Variants in GAS6 observed in about 807,000 individuals in gnomAD.
GAS6 encodes the protein growth arrest-specific protein 6.
A neutral mutation model predicts 75.8 loss-of-function variants in GAS6; 41 were observed. That is an observed-to-expected ratio of 0.54 (90% confidence interval 0.42 to 0.70). The LOEUF (loss-of-function observed/expected upper bound fraction) is 0.70. GAS6 is among the 30% of genes least tolerant of loss of function. GAS6 has a pLI of 0.00. For synonymous variants in GAS6, 432 were observed against 412.6 expected (o/e 1.05, Z -0.57); for missense variants, 854 against 940.2 (o/e 0.91, Z 1.20).
intron 2 of GAS6, among the ~76,000 whole-genome samples, chr13:113,853,606 T>A (rs1055445728): frequency 1.3e-5 from 2 of 152,250 alleles, no homozygotes; most frequent in African/African-American, 4.8e-5. Context: ...GGGTGGAGAC[T>A]GCTGAGCACA....
At position 113,848,542 on chromosome 13, in the gene GAS6, G is replaced by A. The variant is rs371239984; in HGVS notation, c.256-492C>T. On this transcript the variant is annotated intron_variant, in intron 2 of 14. Transcript: ENST00000327773. This position sits in a 1 kb window ranked among gnomAD's most constrained non-coding sequence, Gnocchi z 4.8. ...AAGCGCACTGACGAGGTCCACATTC[G>A]ACACAAGTGAGCTGTCGAGTCCTGG... Among the ~76,000 whole-genome samples, 72 of 152,232 alleles carry A rather than the reference G, an allele frequency of 4.7e-4. 1 individual carries two copies. The South Asian group carries it at 0.014, about 29-fold the overall frequency.
intron 6 of GAS6, among the ~76,000 whole-genome samples, chr13:113,836,948 AGG>A (rs1457878140): frequency 3.5e-5 from 5 of 141,324 alleles, no homozygotes; most frequent in Non-Finnish European, 6.2e-5. Flanking sequence ...GGAGGAGGAG[AGG>A]ACGGGAATGC....
intron 4 of GAS6, chr13:113,843,692 C>T (rs2051810396): frequency 6.6e-6 from 1 of 151,174 alleles, no homozygotes; most frequent in Non-Finnish European, 1.5e-5. Context: ...CTTCCCAGGC[C>T]TCCTCCCTCC....
At chr13:113,858,690 T>C (rs992189304) in intron 2 of GAS6, among the ~76,000 whole-genome samples, 2 of 121,134 alleles carry the variant, frequency 1.7e-5, no homozygotes, top group Admixed American at 1.8e-4. Flanking sequence ...TGCATGTCTG[T>C]GTGTGTGACT....
chr13:113,858,361 ATG>A (rs2051931413), intron 2 of GAS6, among the ~76,000 whole-genome samples: 1 of 151,888 alleles, frequency 6.6e-6, no homozygotes, highest in Non-Finnish European at 1.5e-5. Context: ...GTCTATGTGA[ATG>A]TGTGCATGTG....
At chr13:113,829,889 T>C (rs1343567594) in intron 10 of GAS6, among the ~76,000 whole-genome samples, 3 of 148,246 alleles carry the variant, frequency 2.0e-5, no homozygotes, top group Non-Finnish European at 3.0e-5. Flanking sequence ...GGAGACCCCC[T>C]GATCCACACC....
chr13:113,858,906 T>C (rs758921275), intron 2 of GAS6, among the ~76,000 whole-genome samples: 5 of 151,986 alleles, frequency 3.3e-5, no homozygotes, highest in African/African-American at 4.8e-5. Context: ...TGTGTGCATG[T>C]ATGTGTACAT....
chr13:113,851,297 G>A (rs1316696582), intron 2 of GAS6, among the ~76,000 whole-genome samples: 1 of 152,092 alleles, frequency 6.6e-6, no homozygotes, highest in African/African-American at 2.4e-5. Context: ...GTGAGTGGGT[G>A]GATGAGTGAG....
chr13:113,856,956 G>A (rs943692574), intron 2 of GAS6, among the ~76,000 whole-genome samples: 6 of 152,212 alleles, frequency 3.9e-5, no homozygotes, highest in Non-Finnish European at 7.3e-5. Flanking sequence ...CTGGCCGAAC[G>A]TTTGGCCTTT....
At chr13:113,846,996 C>A (rs1419237954) in intron 3 of GAS6, 1 of 505,436 alleles carries the variant, frequency 2.0e-6, no homozygotes, top group Non-Finnish European at 3.9e-6. Flanking sequence ...GAGAAAGCCC[C>A]TCCATGCTCT....
intron 3 of GAS6, chr13:113,847,172 C>T (rs756999862): frequency 1.1e-4 from 34 of 303,598 alleles, no homozygotes; most frequent in Admixed American, 2.2e-4. Flanking sequence ...CTTATCCAGG[C>T]GCAGAACGGC....
intron 2 of GAS6, among the ~76,000 whole-genome samples, chr13:113,852,042 T>G (rs2051880397): frequency 6.6e-6 from 1 of 152,274 alleles, no homozygotes; most frequent in Non-Finnish European, 1.5e-5. Flanking sequence ...TCCTGGTCAG[T>G]GCAGGGCCCC....
chr13:113,858,956 ATGTC>A (rs2051943517), intron 2 of GAS6, among the ~76,000 whole-genome samples: 1 of 142,528 alleles, frequency 7.0e-6, no homozygotes, highest in Non-Finnish European at 1.5e-5. Context: ...ATGTGTGTAC[ATGTC>A]TGTGTGACTG....
intron 8 of GAS6, chr13:113,833,171 G>T: frequency 2.6e-6 from 3 of 1,138,456 alleles, no homozygotes; most frequent in Non-Finnish European, 2.2e-6. Context: ...TGCCCGAAGG[G>T]GGACAGAACC....
At chr13:113,851,817 T>C (rs1160791249) in intron 2 of GAS6, among the ~76,000 whole-genome samples, 1 of 152,258 alleles carries the variant, frequency 6.6e-6, no homozygotes, top group Non-Finnish European at 1.5e-5. Context: ...CTGTTTCTTT[T>C]AATAATATGG....
At position 113,834,621 on chromosome 13, in the gene GAS6, G is replaced by T; in HGVS notation, c.764C>A (p.Pro255Gln). 6.2e-7 allele frequency: 1 copy of T among 1,607,308 alleles called. No individual in the cohort carries two copies. The highest frequency in any genetic ancestry group is 8.5e-7 in the Non-Finnish European group (1 of 1,177,618). ...GRCEQVCVNS[P>Q]GSYTCHCDGR... ...GTCACAGTGGCAGGTGTAGCTCCCT[G>T]GGGAGTTCACGCAGACCTGCTCACA... Residue 255 changes from proline to glutamine, a missense_variant, in exon 8 of 15, where the codon CCA becomes CAA. Pro to Gln is a moderately conservative substitution (Grantham distance 76). Coordinates refer to ENST00000327773, the MANE Select transcript of GAS6 (RefSeq NM_000820.4).
At chr13:113,851,399 A>G (rs915932752) in intron 2 of GAS6, among the ~76,000 whole-genome samples, 2 of 150,088 alleles carry the variant, frequency 1.3e-5, no homozygotes, top group South Asian at 2.1e-4. Flanking sequence ...GAGTGAGTAC[A>G]TGAATGGATG....
Position 113,864,015 on chromosome 13 carries a change from C to T in GAS6, c.-95G>A. Reference sequence around the variant, plus strand: ...GCTCCGGTCATCCCGTCCTGGCGGCCCTGAAGGTCACATCGCGGCGGCGGC... The same window carrying T: ...GCTCCGGTCATCCCGTCCTGGCGGCTCTGAAGGTCACATCGCGGCGGCGGC... On this transcript the variant is annotated 5_prime_UTR_variant, in exon 1 of 15. Transcript: ENST00000327773. 9.8e-7 allele frequency: 1 copy of T among 1,019,908 alleles called. No individual in the cohort carries two copies. Among genetic ancestry groups the T allele is most frequent in the Non-Finnish European group, 1.2e-6 (1 of 855,820 alleles). The allele number at this position is 1,019,908 out of a possible 1,614,324, so 63.2% of individuals were successfully genotyped here.
intron 4 of GAS6, among the ~76,000 whole-genome samples, chr13:113,846,088 G>A (rs1371233169): frequency 2.0e-5 from 3 of 152,262 alleles, no homozygotes; most frequent in South Asian, 2.1e-4. Context: ...AAATGCCAGC[G>A]TGAAGGTGAG....
Sources: allele counts gnomAD v4.1 joint callset (sites outside exome capture counted in the v4.1 genomes callset), GRCh38; gene constraint gnomAD v4.1.1; non-coding constraint Gnocchi (gnomAD v3.1); transcripts MANE v1.5; gene names NCBI Gene and HGNC (gene_info 2026-07-23, HGNC 2026-07-21).